OXCT1: variants seen among roughly 807,000 people sequenced by gnomAD.
The protein encoded by OXCT1 is 3-oxoacid CoA-transferase 1, also known as succinyl-CoA:3-ketoacid coenzyme A transferase 1, mitochondrial.
Under a neutral mutation model 69.6 loss-of-function variants are expected in OXCT1, and 27 were observed. That is an observed-to-expected ratio of 0.39 (90% CI 0.29 to 0.54). The LOEUF is 0.54. Among genes scored for constraint, OXCT1 ranks in the 20% least tolerant of loss-of-function variants. The pLI is 0.72. For missense variants in OXCT1, 437 were observed against 650.2 expected, an observed-to-expected ratio of 0.67 and a Z score of 3.57; for synonymous variants, 202 against 217.8, an observed-to-expected ratio of 0.93 and a Z score of 0.64.
intron 13 of OXCT1, among the ~76,000 whole-genome samples, chr5:41,779,090 G>A (rs1180144951): frequency 6.6e-6 from 1 of 152,100 alleles, no homozygotes. Flanking sequence ...TTATTTCTAG[G>A]TCTTATACGT....
rs116085977 is a variant in OXCT1, at chr5:41,838,373, T to C, written c.732+2078A>G. ...AATCTATGGTCATGTTTCTACTATG[T>C]ATACTATATGTTTCTACTATGAACA... On this transcript the variant is annotated intron_variant, in intron 7 of 16. Transcript: ENST00000196371. 5.9e-3 allele frequency among the ~76,000 whole-genome samples: 894 copies of C among 152,334 alleles called. 10 individuals are homozygous for C. Among genetic ancestry groups the C allele is most frequent in the African/African-American group, 0.02 (852 of 41,568 alleles).
chr5:41,863,526 T>C (rs1199461793), intron 1 of OXCT1, among the ~76,000 whole-genome samples: 1 of 152,196 alleles, frequency 6.6e-6, no homozygotes, highest in Non-Finnish European at 1.5e-5. Flanking sequence ...TTCAAAAGCC[T>C]GGCGCTTTAA....
rs142454624 is a variant in OXCT1, at chr5:41,730,393, A to G, written c.*1336T>C. The G allele has an allele frequency of 6.6e-6, 1 of 152,356 alleles. No individual in the cohort carries two copies. The highest frequency in any genetic ancestry group is 1.9e-4 in the East Asian group (1 of 5,188). 9.4% of individuals were successfully genotyped at this position (152,356 alleles called of 1,614,324 possible). A position where few individuals can be genotyped will look rare whatever the true frequency, so the allele number is the denominator to read the frequency against. On this transcript the variant is annotated 3_prime_UTR_variant, in exon 17 of 17. Coordinates refer to ENST00000196371, the MANE Select transcript of OXCT1 (RefSeq NM_000436.4). ...AAGCCTGTCCTTTCTCTAATATTGT[A>G]CATTACACAATTGTAGCTACACCTG... is the stretch of plus-strand genomic sequence containing the variant.
intron 13 of OXCT1, among the ~76,000 whole-genome samples, chr5:41,772,366 A>C (rs1169382230): frequency 6.6e-6 from 1 of 152,094 alleles, no homozygotes; most frequent in African/African-American, 2.4e-5. Flanking sequence ...AAAAAACAAA[A>C]AAAAAAAGAG....
At chr5:41,829,248 C>T (rs1406620820) in intron 7 of OXCT1, among the ~76,000 whole-genome samples, 1 of 151,974 alleles carries the variant, frequency 6.6e-6, no homozygotes, top group African/African-American at 2.4e-5. Flanking sequence ...TTATAATGTG[C>T]ATATTTATAA....
rs1236285323 is a variant in OXCT1, at chr5:41,853,538, A to C, written c.295T>G (p.Leu99Val). 2 of 1,613,968 alleles carry C rather than the reference A, an allele frequency of 1.2e-6. No individual in the cohort carries two copies. The highest frequency in any genetic ancestry group is 3.3e-5 in the Admixed American group (2 of 60,000). ...SNNAGVDNFG[L>V]GLLLRSKQIK... ...TGCTTGGACCGAAGCAAAAGCCCCA[A>C]ACCAAAATTGTCAACCCTAGAAGGA... The change falls in exon 4 of 17, where the codon TTG becomes GTG. Residue 99 changes from leucine to valine, a missense_variant. Leu to Val is a conservative substitution (Grantham distance 32, BLOSUM62 1). Around this residue, in one of 4 missense-constraint regions of OXCT1, gnomAD observed 252 missense variants for 397.4 expected, o/e 0.63. Transcript: ENST00000196371.
chr5:41,749,147 C>T (rs1743644775), intron 15 of OXCT1, among the ~76,000 whole-genome samples: 1 of 152,096 alleles, frequency 6.6e-6, no homozygotes, highest in Non-Finnish European at 1.5e-5. Context: ...ACCCAACTTA[C>T]ACTGAATTTC....
intron 3 of OXCT1, among the ~76,000 whole-genome samples, chr5:41,855,437 C>G (rs779142591): frequency 6.6e-6 from 1 of 152,118 alleles, no homozygotes; most frequent in African/African-American, 2.4e-5. Context: ...TTCAAGAAAG[C>G]CTTTTAAGAG....
At chr5:41,826,295 T>C (rs956352677) in intron 7 of OXCT1, among the ~76,000 whole-genome samples, 1 of 152,190 alleles carries the variant, frequency 6.6e-6, no homozygotes. Flanking sequence ...ATTATGGAAT[T>C]TTTATTTTCT....
chr5:41,839,749 T>C (rs1366419663), intron 7 of OXCT1, among the ~76,000 whole-genome samples: 1 of 152,130 alleles, frequency 6.6e-6, no homozygotes, highest in Non-Finnish European at 1.5e-5. Context: ...CAATTCCAGA[T>C]CCCAATAGGG....
In OXCT1 at chr5:41,838,488, C is replaced by T. The variant is rs374364254; in HGVS notation, c.732+1963G>A. On this transcript the variant is annotated intron_variant, in intron 7 of 16. Transcript: ENST00000196371. The stretch of plus-strand genomic sequence containing the variant: ...CTAGTATAACAGATTATTCTTGATC[C>T]TTCTAATCCAGCTTTGTCCAATAAA... 9.9e-5 allele frequency among the ~76,000 whole-genome samples: 15 copies of T among 152,268 alleles called. 1 individual carries two copies. The highest frequency in any genetic ancestry group is 3.4e-4 in the African/African-American group (14 of 41,560).
intron 2 of OXCT1, among the ~76,000 whole-genome samples, chr5:41,862,106 G>T (rs1291497579): frequency 6.6e-6 from 1 of 152,184 alleles, no homozygotes; most frequent in Non-Finnish European, 1.5e-5. Context: ...AGCTACTCGG[G>T]AGGCTAAGGC....
chr5:41,730,915 C>T lies in OXCT1; in HGVS notation c.*814G>A, dbSNP rs1742588259. 2 of 152,174 alleles carry T rather than the reference C, an allele frequency of 1.3e-5. No individual in the cohort carries two copies. Among genetic ancestry groups the T allele is most frequent in the Non-Finnish European group, 2.9e-5 (2 of 68,030 alleles). 9.4% of individuals were successfully genotyped at this position (152,174 alleles called of 1,614,324 possible). On this transcript the variant is annotated 3_prime_UTR_variant, in exon 17 of 17. Transcript: ENST00000196371. ...TTTTTTAACTCTGCTGTCATTGCTA[C>T]TAAGGATTCATGGTAAATTATCCCA...
intron 7 of OXCT1, among the ~76,000 whole-genome samples, chr5:41,839,890 A>G (rs1338432332): frequency 6.6e-6 from 1 of 152,200 alleles, no homozygotes; most frequent in African/African-American, 2.4e-5. Context: ...TACAACCAAA[A>G]TGGCACGGTT....
chr5:41,762,200 C>T lies in OXCT1; in HGVS notation c.1249G>A (p.Gly417Arg). ...YGDLANWMIP[G>R]KMVKGMGGAM... is the part of the protein sequence containing the mutation. ...CCTCCCATTCCTTTCACCATCTTCC[C>T]CTGCAAAACAAAAAATAAATAGCTC... is the stretch of plus-strand genomic sequence containing the variant. The change falls in exon 14 of 17, where the codon GGG (glycine) becomes AGG (arginine). Residue 417 changes from glycine to arginine, a missense_variant and splice_region_variant. Gly to Arg is a moderately radical substitution (Grantham distance 125, BLOSUM62 -2). This residue lies in a region of OXCT1 where 102 missense variants were observed against 162.1 expected (regional missense o/e 0.63). Coordinates refer to ENST00000196371, the MANE Select transcript of OXCT1 (RefSeq NM_000436.4). The surrounding 1 kb of genome is among the most constrained non-coding windows in gnomAD (Gnocchi z 4.0). The T allele has an allele frequency of 6.2e-7, 1 of 1,610,538 alleles. No individual in the cohort carries two copies. The highest frequency in any genetic ancestry group is 8.5e-7 in the Non-Finnish European group (1 of 1,176,962).
intron 1 of OXCT1, among the ~76,000 whole-genome samples, chr5:41,865,247 T>C (rs1336997658): frequency 1.3e-5 from 2 of 152,170 alleles, no homozygotes; most frequent in African/African-American, 2.4e-5. Flanking sequence ...TGCCCACAAA[T>C]AAAAGCATAT....
chr5:41,747,058 A>AGTGTTTTT (rs1743530014), intron 15 of OXCT1, among the ~76,000 whole-genome samples: 1 of 152,094 alleles, frequency 6.6e-6, no homozygotes, highest in Admixed American at 6.6e-5. Context: ...AAAAGCTTAC[A>AGTGTTTTT]GTGTTTTTTC....
chr5:41,824,422 T>G (rs1747707218), intron 7 of OXCT1, among the ~76,000 whole-genome samples: 1 of 152,234 alleles, frequency 6.6e-6, no homozygotes, highest in Non-Finnish European at 1.5e-5. Flanking sequence ...GTATAGAGTC[T>G]ACTTGGACCA....
At chr5:41,782,560 A>G (rs1745459765) in intron 13 of OXCT1, among the ~76,000 whole-genome samples, 1 of 151,906 alleles carries the variant, frequency 6.6e-6, no homozygotes, top group East Asian at 1.9e-4. Flanking sequence ...TTTGAGAAGT[A>G]TCTGTTCATG....
Sources: gnomAD v4.1 joint callset for allele counts (sites outside exome capture counted in the v4.1 genomes callset) on GRCh38, gnomAD v4.1.1 for gene constraint, gnomAD v4.1.1 regional missense constraint, Gnocchi (gnomAD v3.1) non-coding constraint, MANE v1.5 for transcripts, NCBI Gene and HGNC (gene_info 2026-07-23, HGNC 2026-07-21) for gene names.